CPVL: variants seen among roughly 807,000 people sequenced by gnomAD.
The protein encoded by CPVL is probable serine carboxypeptidase CPVL.
Under a neutral mutation model 63.7 loss-of-function variants are expected in CPVL, and 51 were observed. The observed-to-expected ratio is 0.80, with a 90% CI of 0.64 to 1.01. The LOEUF (loss-of-function observed/expected upper bound fraction) is 1.01, where lower values mean the gene tolerates loss of function less well. Among genes scored for constraint, CPVL ranks in the 50% least tolerant of loss-of-function variants. The pLI is 0.00. For missense variants in CPVL, 530 were observed against 573.1 expected (o/e 0.92, Z 0.77); for synonymous variants, 195 against 206.0 (o/e 0.95, Z 0.46).
chr7:29,073,054 T>G (rs990022789), intron 7 of CPVL, among the ~76,000 whole-genome samples: 17 of 152,224 alleles, frequency 1.1e-4, no homozygotes, highest in African/African-American at 4.1e-4. Flanking sequence ...TCAGCAGTAT[T>G]TTTCAAATAA....
At chr7:29,106,210 A>G (rs1188121876) in intron 3 of CPVL, among the ~76,000 whole-genome samples, 2 of 152,132 alleles carry the variant, frequency 1.3e-5, no homozygotes, top group Admixed American at 6.5e-5. Context: ...CCTGGAGCAC[A>G]CGGTGTCCAC....
intron 12 of CPVL, among the ~76,000 whole-genome samples, chr7:29,006,085 G>A (rs1449925337): frequency 6.6e-6 from 1 of 152,196 alleles, no homozygotes; most frequent in Non-Finnish European, 1.5e-5. Flanking sequence ...AGCAATGCAA[G>A]ATAGTTCTAG....
chr7:29,079,260 A>G (rs1784481416), intron 7 of CPVL, among the ~76,000 whole-genome samples: 1 of 152,226 alleles, frequency 6.6e-6, no homozygotes, highest in Admixed American at 6.5e-5. Flanking sequence ...AATCTGAAGC[A>G]GGTCCTAGAG....
intron 1 of CPVL, 175 bp downstream of exon 1, chr7:29,146,254 G>T (rs1342723026): frequency 4.3e-6 from 1 of 233,852 alleles, no homozygotes; most frequent in East Asian, 9.6e-5. Flanking sequence ...GCTCCAATTT[G>T]AACTTTGACT....
chr7:29,105,948 G>A (rs1469193173), intron 3 of CPVL, among the ~76,000 whole-genome samples: 1 of 152,198 alleles, frequency 6.6e-6, no homozygotes, highest in African/African-American at 2.4e-5. Flanking sequence ...GAATGCCCTG[G>A]GCTAGGGAGA....
chr7:29,031,369 T>C (rs1238842938), intron 11 of CPVL, among the ~76,000 whole-genome samples: 1 of 152,246 alleles, frequency 6.6e-6, no homozygotes, highest in Non-Finnish European at 1.5e-5. Flanking sequence ...CAGTGAGGAA[T>C]GTTCTTTCTT....
At chr7:29,035,695 A>G (rs1788462731) in intron 11 of CPVL, among the ~76,000 whole-genome samples, 1 of 152,172 alleles carries the variant, frequency 6.6e-6, no homozygotes, top group Non-Finnish European at 1.5e-5. Context: ...CCGATGGACA[A>G]TTACAGGGTA....
chr7:29,147,558 G>A (rs1792931013), upstream of CPVL, among the ~76,000 whole-genome samples: 3 of 152,354 alleles, frequency 2.0e-5, no homozygotes, highest in South Asian at 6.2e-4. Flanking sequence ...TTGGGTTGTT[G>A]TGAGGACTCA....
chr7:29,029,145 C>CA (rs1358729342), intron 12 of CPVL, among the ~76,000 whole-genome samples: 3 of 151,802 alleles, frequency 2.0e-5, no homozygotes, highest in Non-Finnish European at 2.9e-5. Context: ...ACCAAAAAGA[C>CA]AAAAAATAAC....
At chr7:29,123,624 AAAAAAT>A (rs1482757115) in intron 1 of CPVL, among the ~76,000 whole-genome samples, 1 of 89,054 alleles carries the variant, frequency 1.1e-5, no homozygotes, top group South Asian at 3.8e-4. Context: ...AAAAAAAAAA[AAAAAAT>A]ATATATATAT....
At chr7:29,027,188 C>T (rs752240294) in intron 12 of CPVL, among the ~76,000 whole-genome samples, 1 of 152,022 alleles carries the variant, frequency 6.6e-6, no homozygotes, top group Non-Finnish European at 1.5e-5. Context: ...TCAACATATG[C>T]AAATCAATAA....
intron 1 of CPVL, among the ~76,000 whole-genome samples, chr7:29,138,826 G>A (rs1791535709): frequency 6.6e-6 from 1 of 152,170 alleles, no homozygotes; most frequent in Admixed American, 6.5e-5. Flanking sequence ...GCTGCCACGG[G>A]CACTTGGCAG....
chr7:29,008,250 G>C (rs1029911638), intron 12 of CPVL, among the ~76,000 whole-genome samples: 6 of 152,146 alleles, frequency 3.9e-5, no homozygotes, highest in African/African-American at 1.2e-4. Flanking sequence ...TTAAGGTTGG[G>C]AAAGGAAACA....
At chr7:29,018,100 G>A (rs1786594926) in intron 12 of CPVL, among the ~76,000 whole-genome samples, 2 of 152,132 alleles carry the variant, frequency 1.3e-5, no homozygotes, top group Non-Finnish European at 2.9e-5. Flanking sequence ...TTGCAATCAG[G>A]AAAATCAGCC....
chr7:29,068,012 T>C (rs918497203), intron 9 of CPVL, among the ~76,000 whole-genome samples: 1 of 151,512 alleles, frequency 6.6e-6, no homozygotes, highest in African/African-American at 2.4e-5. Context: ...ATATTCTTTT[T>C]TTTTTTTTTT....
chr7:29,057,444 GCTTAT>G (rs1179379155), intron 11 of CPVL, among the ~76,000 whole-genome samples: 1 of 152,120 alleles, frequency 6.6e-6, no homozygotes, highest in African/African-American at 2.4e-5. Context: ...CCACTCTGTG[GCTTAT>G]CTTCTCATTT....
intron 1 of CPVL, among the ~76,000 whole-genome samples, chr7:29,188,581 C>T (rs1197611305): frequency 6.6e-6 from 1 of 151,586 alleles, no homozygotes; most frequent in African/African-American, 2.4e-5. Context: ...GAACGTATAG[C>T]TGCTACAGGG....
intron 3 of CPVL, among the ~76,000 whole-genome samples, chr7:29,103,113 AAGAG>A (rs1308305783): frequency 4.2e-5 from 6 of 142,356 alleles, no homozygotes; most frequent in Non-Finnish European, 9.1e-5. Flanking sequence ...ATCAGAGAGA[AAGAG>A]AGAATAGAGA....
chr7:29,097,102 T>C (rs1554338851), intron 3 of CPVL, among the ~76,000 whole-genome samples: 1 of 144,536 alleles, frequency 6.9e-6, no homozygotes, highest in Non-Finnish European at 1.5e-5. Context: ...CCAACGCAAA[T>C]AACAACGACA....
Sources: gnomAD v4.1 joint callset for allele counts (sites outside exome capture counted in the v4.1 genomes callset) on GRCh38, gnomAD v4.1.1 for gene constraint, MANE v1.5 for transcripts, NCBI Gene and HGNC (gene_info 2026-07-23, HGNC 2026-07-21) for gene names.